EP400: variants seen among roughly 807,000 people sequenced by gnomAD.
EP400 encodes E1A binding protein p400.
In EP400, 105 loss-of-function variants were observed where a neutral mutation model predicts 354.1. The ratio of observed to expected loss-of-function variants is 0.30; its 90% CI spans 0.25 to 0.35. The LOEUF (loss-of-function observed/expected upper bound fraction) is 0.35. Ranked by LOEUF, EP400 falls within the 10% of genes least tolerant of loss-of-function variation. EP400 has a pLI of 1.00. For missense variants in EP400, 3,280 were observed against 4,121.0 expected, an observed-to-expected ratio of 0.80 and a Z score of 5.59; for synonymous variants, 1,646 against 1,716.9, an observed-to-expected ratio of 0.96 and a Z score of 1.02.
chr12:131,957,664 C>T (rs905071736), intron 1 of EP400, among the ~76,000 whole-genome samples: 6 of 151,826 alleles, frequency 4.0e-5, no homozygotes, highest in Admixed American at 2.6e-4. Context: ...GGCTCAGTCT[C>T]GGCTCACTGC....
chr12:131,960,484 C>T (rs1230891532), intron 1 of EP400, 101 bp from the exon 2 acceptor site: 13 of 1,121,232 alleles, frequency 1.2e-5, no homozygotes, highest in Admixed American at 2.8e-5. Flanking sequence ...GAATCAGATG[C>T]GGTGGGAATG....
chr12:131,988,883 C>A (rs1413623966), intron 7 of EP400, among the ~76,000 whole-genome samples: 1 of 152,182 alleles, frequency 6.6e-6, no homozygotes, highest in Non-Finnish European at 1.5e-5. Flanking sequence ...AGAATTTTCC[C>A]CCTTGCTGTC....
rs1307403014 is a variant in EP400, at chr12:131,998,748, T to C, written c.2827+3792T>C. On this transcript the variant is annotated intron_variant, in intron 12 of 52. Coordinates refer to ENST00000389561, the MANE Select transcript of EP400 (RefSeq NM_015409.5). Reference sequence around the variant, plus strand: ...TATACAGTCTTGTATACAAAGACTTTGTATACAGTCTTGTATACAAAGACT... The same window carrying C: ...TATACAGTCTTGTATACAAAGACTTCGTATACAGTCTTGTATACAAAGACT... 2.2e-3 allele frequency among the ~76,000 whole-genome samples: 10 copies of C among 4,552 alleles called. 1 individual carries two copies. The East Asian group carries it at 0.065, about 30-fold the overall frequency. 3.0% of individuals were successfully genotyped at this position (4,552 alleles called of 152,430 possible). A position where few individuals can be genotyped will look rare whatever the true frequency, so the allele number is the denominator to read the frequency against.
intron 12 of EP400, among the ~76,000 whole-genome samples, chr12:132,004,419 G>A (rs764620589): frequency 3.3e-5 from 5 of 152,000 alleles, no homozygotes; most frequent in East Asian, 1.9e-4. Flanking sequence ...AGCAATTAGG[G>A]TGAGTGTTTT....
At chr12:131,983,384 C>T (rs973282348) in intron 5 of EP400, among the ~76,000 whole-genome samples, 1 of 152,268 alleles carries the variant, frequency 6.6e-6, no homozygotes, top group Admixed American at 6.5e-5. Flanking sequence ...GCTTGATACA[C>T]ATTTCAGGTA....
chr12:132,071,442 G>C (rs1443789263), intron 51 of EP400, among the ~76,000 whole-genome samples: 2 of 152,192 alleles, frequency 1.3e-5, no homozygotes, highest in Non-Finnish European at 2.9e-5. Flanking sequence ...GGCTCAGGAA[G>C]GGCAGCTGTC....
At chr12:132,077,314 G>C in intron 52 of EP400, 87 bp from the exon 53 acceptor site, 1 of 1,505,740 alleles carries the variant, frequency 6.6e-7, no homozygotes, top group Non-Finnish European at 8.9e-7. Context: ...AGTTTCTCGA[G>C]TCCTCCCCAT....
rs553013020 is a variant in EP400 at position 132,055,491 on chromosome 12, G to A, written c.7884+283G>A. Among the ~76,000 whole-genome samples the A allele has an allele frequency of 2.0e-5, 3 of 147,160 alleles. No homozygotes were observed. The South Asian group carries it at 6.7e-4, about 33-fold the overall frequency. On this transcript the variant is annotated intron_variant, in intron 45 of 52. Transcript: ENST00000389561. ...GTGTGTGTGAGGTGTAGGGGTGTGT[G>A]TGAGGTGTAGGTGTGTGTGTGTGAG...
chr12:131,968,600 C>T (rs952827828), intron 2 of EP400, among the ~76,000 whole-genome samples: 1 of 152,164 alleles, frequency 6.6e-6, no homozygotes, highest in Non-Finnish European at 1.5e-5. Context: ...TTGTTGATAT[C>T]TACAAAACAT....
chr12:132,017,002 T>C lies in EP400; in HGVS notation c.3924-533T>C, dbSNP rs1209469941. 1.3e-5 allele frequency among the ~76,000 whole-genome samples: 2 copies of C among 152,212 alleles called. No homozygotes were observed. Among genetic ancestry groups the C allele is most frequent in the Non-Finnish European group, 2.9e-5 (2 of 68,040 alleles). ...GTGCACTGTGCTCACACCAGAGAGC[T>C]ACTCCCCACCATGGTCCCATTTCCT... On this transcript the variant is annotated intron_variant, in intron 19 of 52. Coordinates refer to ENST00000389561, the MANE Select transcript of EP400 (RefSeq NM_015409.5). This position sits in a 1 kb window ranked among gnomAD's most constrained non-coding sequence, Gnocchi z 5.0.
In EP400 at chr12:132,018,753, C is replaced by T. The variant is rs1565917831; in HGVS notation, c.4277+377C>T. 6.6e-6 allele frequency among the ~76,000 whole-genome samples: 1 copy of T among 152,162 alleles called. No individual in the cohort carries two copies. The highest frequency in any genetic ancestry group is 1.5e-5 in the Non-Finnish European group (1 of 68,034). On this transcript the variant is annotated intron_variant, in intron 21 of 52. Transcript: ENST00000389561. The surrounding 1 kb of genome is among the most constrained non-coding windows in gnomAD (Gnocchi z 4.0). ...CCCCACGGTGATGTCATTGTCTTAA[C>T]AAGTGACATGTGAGTGATTCTGAAG...
chr12:132,044,104 C>G lies in EP400; in HGVS notation c.6451-73C>G, dbSNP rs939527241. The G allele has an allele frequency of 1.9e-6, 3 of 1,578,324 alleles. No individual in the cohort carries two copies. The African/African-American group carries it at 4.0e-5, about 21-fold the overall frequency. On this transcript the variant is annotated intron_variant, in intron 34 of 52. Coordinates refer to ENST00000389561, the MANE Select transcript of EP400 (RefSeq NM_015409.5). ...TGTGGCTCTGAGACAACAGGGAAACCTGGAGCAGGGACTCGGGGGCTGCTC... is the reference window on the plus strand; with the variant it reads ...TGTGGCTCTGAGACAACAGGGAAACGTGGAGCAGGGACTCGGGGGCTGCTC...
chr12:132,019,661 C>T (rs899724510), intron 21 of EP400, among the ~76,000 whole-genome samples: 11 of 152,208 alleles, frequency 7.2e-5, no homozygotes, highest in Admixed American at 2.6e-4. Context: ...ATCACTTGAA[C>T]GGCTGCTTGA....
In EP400 at chr12:132,023,773, A is replaced by C. The variant is rs1364457504; in HGVS notation, c.4691-4A>C. 2 of 1,611,164 alleles carry C rather than the reference A, an allele frequency of 1.2e-6. No homozygotes were observed. The highest frequency in any genetic ancestry group is 1.7e-6 in the Non-Finnish European group (2 of 1,179,284). On this transcript the variant is annotated splice_region_variant and splice_polypyrimidine_tract_variant and intron_variant, in intron 23 of 52. Transcript: ENST00000389561. ...AATTCACCTTTTCCTCTACGTTTCA[A>C]CAGGTGGAGAGGTAGTGAAAATAGC...
chr12:131,990,235 C>G lies in EP400; in HGVS notation c.2550+131C>G, dbSNP rs779479055. On this transcript the variant is annotated intron_variant, in intron 8 of 52. Transcript: ENST00000389561. The surrounding 1 kb of genome is among the most constrained non-coding windows in gnomAD (Gnocchi z 4.2). ...CACCAGAGTCAGCAACGTGTGCACT[C>G]TCCTGGGCTGTTGCTTGTTGGCCTT... 5 of 1,079,926 alleles carry G rather than the reference C, an allele frequency of 4.6e-6. No individual in the cohort carries two copies. The highest frequency in any genetic ancestry group is 6.6e-6 in the Non-Finnish European group (5 of 756,412). The allele number at this position is 1,079,926 out of a possible 1,614,324, so 66.9% of individuals were successfully genotyped here. A position where few individuals can be genotyped will look rare whatever the true frequency, so the allele number is the denominator to read the frequency against.
At chr12:132,049,629 G>T (rs1414569318) in intron 39 of EP400, among the ~76,000 whole-genome samples, 2 of 152,212 alleles carry the variant, frequency 1.3e-5, no homozygotes, top group Non-Finnish European at 1.5e-5. Flanking sequence ...TGGGGGAAGA[G>T]CCCTGGGTGA....
At chr12:131,996,621 A>G (rs917475594) in intron 12 of EP400, among the ~76,000 whole-genome samples, 5 of 152,070 alleles carry the variant, frequency 3.3e-5, no homozygotes, top group African/African-American at 1.2e-4. Flanking sequence ...AAACAATTAC[A>G]TATATATATC....
rs774444407 is a variant in EP400 at position 131,979,813 on chromosome 12, G to A, written c.1435+20G>A. ...TGGCAGGTACGTCGGCACGGCTAGC[G>A]TGGCCTCGGGAATGCCCCCCTCTCC... On this transcript the variant is annotated intron_variant, in intron 3 of 52. Transcript: ENST00000389561. 34 of 1,576,010 alleles carry A rather than the reference G, an allele frequency of 2.2e-5. No individual in the cohort carries two copies. Among genetic ancestry groups the A allele is most frequent in the Admixed American group, 3.8e-5 (2 of 53,002 alleles).
intron 32 of EP400, among the ~76,000 whole-genome samples, chr12:132,039,207 A>G (rs1490946090): frequency 3.9e-5 from 6 of 152,308 alleles, no homozygotes; most frequent in Non-Finnish European, 5.9e-5. Context: ...TACTTGGGGT[A>G]TGACTCTCTT....
Sources: allele counts gnomAD v4.1 joint callset (sites outside exome capture counted in the v4.1 genomes callset), GRCh38; gene constraint gnomAD v4.1.1; non-coding constraint Gnocchi (gnomAD v3.1); transcripts MANE v1.5; gene names NCBI Gene and HGNC (gene_info 2026-07-23, HGNC 2026-07-21).